The following TDP2 variants were observed in gnomAD, a reference collection of about 807,000 sequenced individuals.
TDP2 encodes 5'-Tyr-DNA phosphodiesterase.
In TDP2, 38 loss-of-function variants were observed where a neutral mutation model predicts 42.8. The observed-to-expected ratio is 0.89, with a 90% CI of 0.68 to 1.16. The LOEUF is 1.16. TDP2 is among the 50% of genes most tolerant of loss of function. The probability of loss-of-function intolerance (pLI) is 0.00; values close to 1 mark genes in which losing one functional copy is unlikely to be tolerated. For synonymous variants in TDP2, 173 were observed against 150.6 expected (o/e 1.15, Z -1.09); for missense variants, 439 against 439.3 (o/e 1.00, Z 0.01).
rs1461764792 is a variant in TDP2, at chr6:24,653,084, C to T, written c.706G>A (p.Glu236Lys). Residue 236 changes from glutamate to lysine, a missense_variant, in exon 6 of 7, where the codon GAA becomes AAA. By Grantham distance (56) the Glu-to-Lys change is moderately conservative. Coordinates refer to ENST00000378198, the MANE Select transcript of TDP2 (RefSeq NM_016614.3). ...ACCATTTTTAACTGATTCATTCGTT[C>T]CGCAGCATGCCCTCTGGTGCTCTCC... ...HLESTRGHAA[E>K]RMNQLKMVLK... The T allele has an allele frequency of 1.9e-6, 3 of 1,614,152 alleles. No individual in the cohort carries two copies. Among genetic ancestry groups the T allele is most frequent in the Admixed American group, 1.7e-5 (1 of 60,020 alleles).
chr6:24,657,106 G>A (rs1778071548), intron 4 of TDP2, among the ~76,000 whole-genome samples: 1 of 152,186 alleles, frequency 6.6e-6, no homozygotes, highest in African/African-American at 2.4e-5. Context: ...TGAACTTCAA[G>A]GTCCACTTAT....
At chr6:24,654,023 C>G (rs1327766998) in intron 5 of TDP2, among the ~76,000 whole-genome samples, 1 of 152,182 alleles carries the variant, frequency 6.6e-6, no homozygotes, top group African/African-American at 2.4e-5. Context: ...GCACTTATGC[C>G]TTTCTTATGT....
chr6:24,654,726 G>C (rs1778034047), intron 4 of TDP2, among the ~76,000 whole-genome samples, 196 bp from the exon 5 acceptor site: 1 of 152,044 alleles, frequency 6.6e-6, no homozygotes, highest in African/African-American at 2.4e-5. Context: ...ATTTTAGCTA[G>C]AAGCTTAGAA....
chr6:24,658,887 G>T, intron 2 of TDP2, 153 bp from the exon 3 acceptor site: 1 of 703,730 alleles, frequency 1.4e-6, no homozygotes, highest in Non-Finnish European at 2.3e-6. Context: ...TGCATGCCAG[G>T]TTCTAGACAG....
At chr6:24,661,670 T>C (rs906179540) in intron 2 of TDP2, among the ~76,000 whole-genome samples, 2 of 152,198 alleles carry the variant, frequency 1.3e-5, no homozygotes, top group Admixed American at 6.5e-5. Context: ...TTTTGTAGCA[T>C]AAAATATTTT....
intron 2 of TDP2, chr6:24,666,010 G>C: frequency 7.0e-7 from 1 of 1,423,228 alleles, no homozygotes; most frequent in Non-Finnish European, 9.2e-7. Context: ...GAGCCAAATA[G>C]TAGAGGGCCT....
intron 2 of TDP2, among the ~76,000 whole-genome samples, chr6:24,662,899 A>C (rs1382951499): frequency 6.6e-6 from 1 of 152,208 alleles, no homozygotes; most frequent in Non-Finnish European, 1.5e-5. Context: ...TTAGCTCTTT[A>C]TTTCTGTCAA....
At chr6:24,655,082 G>A (rs1169572462) in intron 4 of TDP2, among the ~76,000 whole-genome samples, 1 of 151,970 alleles carries the variant, frequency 6.6e-6, no homozygotes, top group African/African-American at 2.4e-5. Flanking sequence ...GTAAACAAGT[G>A]CCAAAAAATA....
chr6:24,651,931 T>C (rs1356421906), intron 6 of TDP2, among the ~76,000 whole-genome samples: 1 of 152,210 alleles, frequency 6.6e-6, no homozygotes, highest in African/African-American at 2.4e-5. Flanking sequence ...ATTAAGTATA[T>C]TCACATAGTT....
In TDP2 at chr6:24,660,808, ACT is replaced by A. The variant is rs1314395133; in HGVS notation, c.252-2076_252-2075del. 8.9e-5 allele frequency among the ~76,000 whole-genome samples: 13 copies of A among 146,190 alleles called. 1 individual carries two copies. Among genetic ancestry groups the A allele is most frequent in the African/African-American group, 2.8e-4 (11 of 39,116 alleles). ...AGTTTTTCAGTCTTTGTCTCTCATG[ACT>A]CTGACATTTTTGAAGAGTACAGGCC... is the stretch of plus-strand genomic sequence containing the variant. On this transcript the variant is annotated intron_variant, in intron 2 of 6. Transcript: ENST00000378198.
intron 5 of TDP2, 45 bp downstream of exon 5, chr6:24,654,367 A>G: frequency 9.5e-7 from 1 of 1,056,846 alleles, no homozygotes; most frequent in East Asian, 2.5e-5. Flanking sequence ...AAACTATGAA[A>G]AAATCTTTTT....
At position 24,650,635 on chromosome 6, in the gene TDP2, A is replaced by C; in HGVS notation, c.*153T>G. The C allele has an allele frequency of 1.4e-6, 1 of 724,100 alleles. No homozygotes were observed. Among genetic ancestry groups the C allele is most frequent in the South Asian group, 1.9e-5 (1 of 51,602 alleles). 44.9% of individuals were successfully genotyped at this position (724,100 alleles called of 1,614,324 possible). Reference sequence around the variant, plus strand: ...TTCGTTTAAATAAACATTAATCTTTAATGTTGAATTCTGAAAACACAACCA... The same window carrying C: ...TTCGTTTAAATAAACATTAATCTTTCATGTTGAATTCTGAAAACACAACCA... On this transcript the variant is annotated 3_prime_UTR_variant, in exon 7 of 7. Transcript: ENST00000378198.
At chr6:24,651,124 TAAAAAA>T (rs11370284) in intron 6 of TDP2, 55 bp from the exon 7 acceptor site, 67 of 995,326 alleles carry the variant, frequency 6.7e-5, no homozygotes, top group Non-Finnish European at 8.7e-5. Context: ...CCCACTAACT[TAAAAAA>T]AAAAAAAAAA....
chr6:24,666,867 C>T lies in TDP2; in HGVS notation c.-5G>A, dbSNP rs2127619593. The T allele has an allele frequency of 1.2e-6, 2 of 1,613,188 alleles. No individual in the cohort carries two copies. Among genetic ancestry groups the T allele is most frequent in the Non-Finnish European group, 1.7e-6 (2 of 1,180,038 alleles). On this transcript the variant is annotated 5_prime_UTR_variant, in exon 1 of 7. Transcript: ENST00000378198. ...CAGGCAACTCCCCAACTCCATCTTCCTGCCGCCTCTGCACCGCCCCTTTAA... is the reference window on the plus strand; with the variant it reads ...CAGGCAACTCCCCAACTCCATCTTCTTGCCGCCTCTGCACCGCCCCTTTAA...
In TDP2 at chr6:24,666,846, C is replaced by G. The variant is rs61760186; in HGVS notation, c.17G>C (p.Cys6Ser). MELGS[C>S]LEGGREAAEE... ...CGCCGCCTCCCTCCCGCCCTCCAGG[C>G]AACTCCCCAACTCCATCTTCCTGCC... The change falls in exon 1 of 7, where the codon TGC (cysteine) becomes TCC (serine). Residue 6 changes from cysteine (C) to serine (S), a missense_variant. By Grantham distance (112) the Cys-to-Ser change is moderately radical. Transcript: ENST00000378198. 3.2e-5 allele frequency: 52 copies of G among 1,613,968 alleles called. 1 individual carries two copies. The highest frequency in any genetic ancestry group is 2.4e-4 in the South Asian group (22 of 91,090).
intron 2 of TDP2, among the ~76,000 whole-genome samples, chr6:24,665,759 A>G (rs1157015576): frequency 6.6e-6 from 1 of 152,204 alleles, no homozygotes; most frequent in South Asian, 2.1e-4. Flanking sequence ...AGGATGCTAT[A>G]AGAGTACCTA....
At chr6:24,657,350 C>A (rs1348355585) in intron 4 of TDP2, among the ~76,000 whole-genome samples, 1 of 152,130 alleles carries the variant, frequency 6.6e-6, no homozygotes, top group Non-Finnish European at 1.5e-5. Flanking sequence ...ATATGAAAAT[C>A]ACGAGATGTG....
Position 24,666,584 on chromosome 6 carries a change from G to C in TDP2, c.193C>G (p.Pro65Ala). 6.2e-7 allele frequency: 1 copy of C among 1,614,196 alleles called. No homozygotes were observed. Among genetic ancestry groups the C allele is most frequent in the Non-Finnish European group, 8.5e-7 (1 of 1,180,022 alleles). ...CGTTCCAAGGCGCTCTCCTCCACCG[G>C]AGGCTCGAAGTAGGAGTTCAGAGCC... ...ERALNSYFEP[P>A]VEESALERRP... Residue 65 changes from proline to alanine, a missense_variant, in exon 2 of 7, where the codon CCG becomes GCG. Transcript: ENST00000378198.
At chr6:24,651,098 T>TAC (rs1486941731) in intron 6 of TDP2, 29 bp from the exon 7 acceptor site, 1 of 1,531,132 alleles carries the variant, frequency 6.5e-7, no homozygotes, top group Non-Finnish European at 8.8e-7. Flanking sequence ...CTCTCTAAGA[T>TAC]ACACATAGCC....
Sources: gnomAD v4.1 joint callset for allele counts (sites outside exome capture counted in the v4.1 genomes callset) on GRCh38, gnomAD v4.1.1 for gene constraint, MANE v1.5 for transcripts, NCBI Gene and HGNC (gene_info 2026-07-23, HGNC 2026-07-21) for gene names.